MECOM: variants seen among roughly 807,000 people sequenced by gnomAD.
MECOM encodes the protein MDS1 and EVI1 complex locus.
Under a neutral mutation model 116.3 loss-of-function variants are expected in MECOM, and 13 were observed. The observed-to-expected ratio is 0.11, with a 90% CI of 0.07 to 0.18. The LOEUF (loss-of-function observed/expected upper bound fraction) is 0.18. Ranked by LOEUF, MECOM falls within the 10% of genes least tolerant of loss-of-function variation. The probability of loss-of-function intolerance (pLI) is 1.00; values close to 1 mark genes in which losing one functional copy is unlikely to be tolerated. For synonymous variants in MECOM, 528 were observed against 535.2 expected (o/e 0.99, Z 0.19); for missense variants, 1,299 against 1,509.0 (o/e 0.86, Z 2.31).
intron 1 of MECOM, among the ~76,000 whole-genome samples, chr3:169,604,261 TTCTC>T (rs1395675200): frequency 6.8e-6 from 1 of 147,780 alleles, no homozygotes. Flanking sequence ...CTCTCTCTCT[TTCTC>T]TCTCTCTCTC....
At chr3:169,385,473 A>G (rs1200723657) in intron 1 of MECOM, among the ~76,000 whole-genome samples, 2 of 152,170 alleles carry the variant, frequency 1.3e-5, no homozygotes, top group African/African-American at 2.4e-5. Flanking sequence ...TTAATCTAGT[A>G]TCATCCAAAT....
intron 3 of MECOM, among the ~76,000 whole-genome samples, chr3:169,135,600 C>G (rs1483230930): frequency 1.3e-5 from 2 of 151,862 alleles, no homozygotes; most frequent in Non-Finnish European, 2.9e-5. Context: ...TAGCTAATAC[C>G]AAAATCCAGA....
intron 2 of MECOM, among the ~76,000 whole-genome samples, chr3:169,270,395 C>T (rs1217953727): frequency 6.6e-6 from 1 of 151,966 alleles, no homozygotes; most frequent in Non-Finnish European, 1.5e-5. Flanking sequence ...ATCTATCTAT[C>T]TATCTATATA....
rs374080882 is a variant in MECOM, at chr3:169,660,254, T to C, written c.37+3082A>G. Among the ~76,000 whole-genome samples the C allele has an allele frequency of 4.8e-4, 73 of 152,308 alleles. 1 individual carries two copies. Among genetic ancestry groups the C allele is most frequent in the Non-Finnish European group, 1.6e-4 (11 of 68,022 alleles). On this transcript the variant is annotated intron_variant, in intron 1 of 16. Transcript: ENST00000651503. ...GCTTTTGGTTTTCTTTTCTTAAAGATGGAAATAAAATTCAGGGGCGTTAGG... is the reference window on the plus strand; with the variant it reads ...GCTTTTGGTTTTCTTTTCTTAAAGACGGAAATAAAATTCAGGGGCGTTAGG...
intron 2 of MECOM, among the ~76,000 whole-genome samples, chr3:169,243,317 CAT>C (rs1755123554): frequency 6.6e-6 from 1 of 152,118 alleles, no homozygotes; most frequent in Non-Finnish European, 1.5e-5. Context: ...AACCCAGAAA[CAT>C]GGAACACAGG....
At chr3:169,087,739 T>A (rs1293303993) in intron 16 of MECOM, among the ~76,000 whole-genome samples, 1 of 152,122 alleles carries the variant, frequency 6.6e-6, no homozygotes, top group Non-Finnish European at 1.5e-5. Context: ...AAAAATGAAA[T>A]GTCTACTCTA....
intron 2 of MECOM, among the ~76,000 whole-genome samples, chr3:169,331,293 A>T (rs9820495): frequency 0.17 from 26,106 of 151,930 alleles, 2,727 homozygotes; most frequent in Admixed American, 0.33. Flanking sequence ...CAACTTTACC[A>T]CTTACTGATT....
chr3:169,217,464 C>T lies in MECOM; in HGVS notation c.376-73632G>A, dbSNP rs374554554. Among the ~76,000 whole-genome samples the T allele has an allele frequency of 3.3e-5, 5 of 152,138 alleles. No individual in the cohort carries two copies. The South Asian group carries it at 1.0e-3, about 32-fold the overall frequency. ...AAATTATGCACAATTAACATAACCT[C>T]ACTACTATATACATGAAATGTTTAA... On this transcript the variant is annotated intron_variant, in intron 2 of 16. Transcript: ENST00000651503.
Position 169,547,218 on chromosome 3 carries a change from C to T in MECOM, c.37+116118G>A, listed in dbSNP as rs539413254. ...TGTTGGAAAGTATGTGGCACTTCCC[C>T]CTTTGTGCTGTCTCGCTCTCTCTCT... On this transcript the variant is annotated intron_variant, in intron 1 of 16. Transcript: ENST00000651503. Among the ~76,000 whole-genome samples the T allele has an allele frequency of 1.1e-4, 16 of 152,238 alleles. 1 individual carries two copies. Among genetic ancestry groups the T allele is most frequent in the African/African-American group, 1.2e-4 (5 of 41,536 alleles).
intron 13 of MECOM, 143 bp from the exon 14 acceptor site, chr3:169,093,245 A>G: frequency 1.2e-6 from 1 of 848,856 alleles, no homozygotes; most frequent in South Asian, 2.0e-5. Flanking sequence ...TTAGAAAGTC[A>G]AAGTCTCCCC....
intron 2 of MECOM, among the ~76,000 whole-genome samples, chr3:169,358,270 G>A (rs145549837): frequency 9.0e-4 from 137 of 151,746 alleles, no homozygotes; most frequent in Non-Finnish European, 1.1e-3. Context: ...ACATTTCAGC[G>A]CTAACACAAT....
At chr3:169,265,877 G>T (rs1758228071) in intron 2 of MECOM, among the ~76,000 whole-genome samples, 1 of 152,148 alleles carries the variant, frequency 6.6e-6, no homozygotes, top group African/African-American at 2.4e-5. Context: ...GAGGTACGAG[G>T]CAGCAGTACT....
At chr3:169,255,553 A>C (rs1006312319) in intron 2 of MECOM, among the ~76,000 whole-genome samples, 1 of 152,134 alleles carries the variant, frequency 6.6e-6, no homozygotes, top group Non-Finnish European at 1.5e-5. Flanking sequence ...AAAGGCATGA[A>C]ATACTTTGAC....
Position 169,128,063 on chromosome 3 carries a change from G to C in MECOM, c.614-3C>G, listed in dbSNP as rs1733494663. On this transcript the variant is annotated splice_region_variant and splice_polypyrimidine_tract_variant and intron_variant, in intron 4 of 16. Transcript: ENST00000651503. ...TTCGCAGCGATATTGCCGTTCTTCT[G>C]TGAAAACAATTCAGGTGTTAGGATT... 1 of 1,613,712 alleles carries C rather than the reference G, an allele frequency of 6.2e-7. No homozygotes were observed.
Position 169,116,343 on chromosome 3 carries a change from G to A in MECOM, c.1529C>T (p.Ser510Phe). The A allele has an allele frequency of 6.2e-7, 1 of 1,614,174 alleles. No homozygotes were observed. The highest frequency in any genetic ancestry group is 1.1e-5 in the South Asian group (1 of 91,078). ...AGTACTTGATAGTCCTTTAACAGGA[G>A]AACTAGCAGGTATCAAAGGAGGCCT... ...YHRPPLIPASSPVKGLSSTEQ... is the reference protein window; with the variant it reads ...YHRPPLIPASFPVKGLSSTEQ... The change falls in exon 8 of 17, where the codon TCT becomes TTT. Residue 510 changes from serine to phenylalanine, a missense_variant. Physicochemically the swap from Ser to Phe is radical, Grantham distance 155. Transcript: ENST00000651503.
intron 1 of MECOM, among the ~76,000 whole-genome samples, chr3:169,464,857 A>C (rs1048558547): frequency 2.0e-5 from 3 of 152,126 alleles, no homozygotes; most frequent in Non-Finnish European, 4.4e-5. Context: ...TCTTCTACTA[A>C]GAAATTAAAT....
intron 1 of MECOM, among the ~76,000 whole-genome samples, chr3:169,412,147 A>C (rs1737657128): frequency 6.6e-6 from 1 of 151,876 alleles, no homozygotes; most frequent in Admixed American, 6.6e-5. Flanking sequence ...TTAGCCAGGC[A>C]TGGTGGTAGG....
chr3:169,591,259 T>C (rs1766369657), intron 1 of MECOM, among the ~76,000 whole-genome samples: 1 of 152,214 alleles, frequency 6.6e-6, no homozygotes, highest in South Asian at 2.1e-4. Context: ...TCTTTGTACA[T>C]GTAATTATAC....
At chr3:169,263,309 T>C (rs976029595) in intron 2 of MECOM, among the ~76,000 whole-genome samples, 2 of 150,984 alleles carry the variant, frequency 1.3e-5, no homozygotes, top group African/African-American at 2.4e-5. Flanking sequence ...TTTGTATTTT[T>C]AGTAGACACG....
Sources: allele counts gnomAD v4.1 joint callset (sites outside exome capture counted in the v4.1 genomes callset), GRCh38; gene constraint gnomAD v4.1.1; transcripts MANE v1.5; gene names NCBI Gene and HGNC (gene_info 2026-07-23, HGNC 2026-07-21).